Variants in ZNF544 observed in about 807,000 individuals in gnomAD.
ZNF544 encodes the protein zinc finger protein 544.
In ZNF544, 10 loss-of-function variants were observed where a neutral mutation model predicts 13.5. That is an observed-to-expected ratio of 0.74 (90% CI 0.46 to 1.25). The LOEUF (loss-of-function observed/expected upper bound fraction) is 1.25, where lower values mean the gene tolerates loss of function less well. ZNF544 is among the 50% of genes most tolerant of loss of function. The pLI is 0.00. For missense variants in ZNF544, 896 were observed against 845.6 expected, an observed-to-expected ratio of 1.06 and a Z score of -0.74; for synonymous variants, 323 against 300.5, an observed-to-expected ratio of 1.07 and a Z score of -0.77.
Position 58,262,599 on chromosome 19 carries a change from T to C in ZNF544, c.1993T>C (p.Cys665Arg), listed in dbSNP as rs2049218930. Residue 665 changes from cysteine to arginine, a missense_variant, in exon 7 of 7, where the codon TGT (cysteine) becomes CGT (arginine). Transcript: ENST00000687789. ...TGEKPFECSQ[C>R]GKAFSGSSNL... ...TGAGAAACCTTTTGAGTGTAGTCAG[T>C]GTGGGAAAGCCTTTTCAGGGAGCTC... 6.2e-7 allele frequency: 1 copy of C among 1,614,152 alleles called. No homozygotes were observed.
At chr19:58,255,124 G>A (rs1467680991) in intron 6 of ZNF544, among the ~76,000 whole-genome samples, 2 of 151,042 alleles carry the variant, frequency 1.3e-5, no homozygotes, top group South Asian at 2.1e-4. Context: ...TCCTGACCTC[G>A]TGATCTACCC....
At chr19:58,256,209 C>T (rs1185345780) in intron 6 of ZNF544, among the ~76,000 whole-genome samples, 1 of 151,878 alleles carries the variant, frequency 6.6e-6, no homozygotes, top group East Asian at 1.9e-4. Context: ...CTCGAGCCTA[C>T]CTCCTGGCTG....
chr19:58,255,022 G>C (rs573917623), intron 6 of ZNF544, among the ~76,000 whole-genome samples: 1 of 151,530 alleles, frequency 6.6e-6, no homozygotes, highest in East Asian at 1.9e-4. Context: ...TGAGTAGCTG[G>C]GACTACAGGC....
intron 1 of ZNF544, 26 bp from the exon 2 acceptor site, chr19:58,229,442 A>G (rs2040729744): frequency 6.6e-6 from 1 of 151,980 alleles, no homozygotes; most frequent in African/African-American, 2.4e-5. Context: ...TCCTCCCTCA[A>G]CTCATCTTCT....
At chr19:58,254,851 A>C (rs1420133985) in intron 6 of ZNF544, among the ~76,000 whole-genome samples, 2 of 149,556 alleles carry the variant, frequency 1.3e-5, no homozygotes, top group Admixed American at 1.3e-4. Flanking sequence ...TGAGATTGAG[A>C]ATTTCTTTCT....
chr19:58,236,291 G>C (rs1487928082), intron 3 of ZNF544, among the ~76,000 whole-genome samples: 1 of 151,740 alleles, frequency 6.6e-6, no homozygotes, highest in East Asian at 2.0e-4. Context: ...CCTGAGGTCG[G>C]GAGTTCAAGA....
intron 3 of ZNF544, 149 bp from the exon 4 acceptor site, chr19:58,243,816 C>T: frequency 1.9e-6 from 1 of 530,206 alleles, no homozygotes; most frequent in Non-Finnish European, 3.2e-6. Context: ...ATCCCCGAGC[C>T]TGAGGTAGCC....
At position 58,260,952 on chromosome 19, in the gene ZNF544, G is replaced by C; in HGVS notation, c.346G>C (p.Glu116Gln). The C allele has an allele frequency of 6.2e-7, 1 of 1,614,182 alleles. No homozygotes were observed. The highest frequency in any genetic ancestry group is 1.1e-5 in the South Asian group (1 of 91,078). ...GGAAGTGTACAGGAGTGGACCGGAG[G>C]AGCCACCCTCTTTGGTATTAGGAAA... is the stretch of plus-strand genomic sequence containing the variant. ...HVEVYRSGPE[E>Q]PPSLVLGKVQ... Residue 116 changes from glutamate to glutamine, a missense_variant, in exon 7 of 7, where the codon GAG (glutamate) becomes CAG (glutamine). Glu to Gln is a conservative substitution (Grantham distance 29). Transcript: ENST00000687789.
intron 6 of ZNF544, among the ~76,000 whole-genome samples, chr19:58,256,308 G>A (rs567260763): frequency 6.6e-6 from 1 of 150,794 alleles, no homozygotes; most frequent in Non-Finnish European, 1.5e-5. Context: ...GAGTCTTGTT[G>A]TACCCAAGCG....
intron 3 of ZNF544, among the ~76,000 whole-genome samples, chr19:58,233,287 C>G (rs2041743209): frequency 6.6e-6 from 1 of 152,050 alleles, no homozygotes; most frequent in Admixed American, 6.6e-5. Flanking sequence ...GGGGACACTG[C>G]CAACCACATC....
At chr19:58,257,449 G>T (rs2047745194) in intron 6 of ZNF544, 1 of 152,198 alleles carries the variant, frequency 6.6e-6, no homozygotes, top group African/African-American at 2.4e-5. Flanking sequence ...TGACCAGTCT[G>T]ATTGGTTGTG....
chr19:58,236,060 CA>C (rs973556335), intron 3 of ZNF544, among the ~76,000 whole-genome samples: 16 of 130,736 alleles, frequency 1.2e-4, no homozygotes, highest in African/African-American at 2.6e-4. Flanking sequence ...AACTCTGTCT[CA>C]AAAAAAAAAC....
chr19:58,270,870 C>T (rs1454228024), intron 5 of ZNF544, among the ~76,000 whole-genome samples: 1 of 152,096 alleles, frequency 6.6e-6, no homozygotes, highest in Non-Finnish European at 1.5e-5. Flanking sequence ...GAATTGGCAG[C>T]GGATGTGAGT....
chr19:58,276,382 C>G, exon 6 of ZNF544: 1 of 1,231,712 alleles, frequency 8.1e-7, no homozygotes, highest in Non-Finnish European at 1.0e-6. Context: ...ATTTAGTCTC[C>G]TGGAAGGCTG....
intron 6 of ZNF544, 56 bp from the exon 7 acceptor site, chr19:58,260,795 T>G: frequency 1.5e-6 from 2 of 1,367,064 alleles, no homozygotes; most frequent in Non-Finnish European, 2.0e-6. Flanking sequence ...CATCTCCCCC[T>G]CCCCCTCCCC....
In ZNF544 at chr19:58,276,506, C is replaced by T. The variant is rs554930022; in HGVS notation, c.351+77C>T. On this transcript the variant is annotated intron_variant, in intron 6 of 6. Transcript: ENST00000595981. The stretch of plus-strand genomic sequence containing the variant: ...TTTTTGAGATGGAGTCTCACTCTGT[C>T]GCCCAGGCTGGAGTGCAGTGGCGCA... 1.6e-5 allele frequency: 15 copies of T among 957,256 alleles called. No individual in the cohort carries two copies. The South Asian group carries it at 3.2e-4, about 21-fold the overall frequency. 59.3% of individuals were successfully genotyped at this position (957,256 alleles called of 1,614,324 possible). A position where few individuals can be genotyped will look rare whatever the true frequency, so the allele number is the denominator to read the frequency against.
chr19:58,243,569 G>A (rs1022044186), intron 3 of ZNF544, among the ~76,000 whole-genome samples: 8 of 151,864 alleles, frequency 5.3e-5, no homozygotes, highest in East Asian at 2.0e-4. Context: ...TCCCTGCGCC[G>A]CCCTGCTGGG....
In ZNF544 at chr19:58,263,604, G is replaced by C; in HGVS notation, c.*850G>C. ...GTGCACTGAAACTGTGTATTACCAA[G>C]CTCACTCTAGCCAACTAAATAAAAA... On this transcript the variant is annotated 3_prime_UTR_variant, in exon 7 of 7. Transcript: ENST00000687789. 1.0e-6 allele frequency: 1 copy of C among 981,398 alleles called. No individual in the cohort carries two copies. Among genetic ancestry groups the C allele is most frequent in the East Asian group, 1.1e-4 (1 of 8,786 alleles). 60.8% of individuals were successfully genotyped at this position (981,398 alleles called of 1,614,324 possible). A position where few individuals can be genotyped will look rare whatever the true frequency, so the allele number is the denominator to read the frequency against.
chr19:58,260,173 A>G (rs1290681808), intron 6 of ZNF544, among the ~76,000 whole-genome samples: 1 of 152,228 alleles, frequency 6.6e-6, no homozygotes, highest in African/African-American at 2.4e-5. Context: ...TCACATTCAC[A>G]GAGTCCAGGG....
Sources: allele counts gnomAD v4.1 joint callset (sites outside exome capture counted in the v4.1 genomes callset), GRCh38; gene constraint gnomAD v4.1.1; transcripts MANE v1.5; gene names NCBI Gene and HGNC (gene_info 2026-07-23, HGNC 2026-07-21).